UGT1A3: variants seen among roughly 807,000 people sequenced by gnomAD.
UGT1A3 encodes UDP-glucuronosyltransferase 1A3.
Under a neutral mutation model 41.0 loss-of-function variants are expected in UGT1A3, and 31 were observed. The observed-to-expected ratio is 0.76, with a 90% confidence interval of 0.57 to 1.02. The LOEUF (loss-of-function observed/expected upper bound fraction) is 1.02, where lower values mean the gene tolerates loss of function less well. Among genes scored for constraint, UGT1A3 ranks in the 50% least tolerant of loss-of-function variants. The pLI, the probability that UGT1A3 is intolerant of heterozygous loss-of-function variation, is 0.00. For synonymous variants in UGT1A3, 262 were observed against 257.6 expected, an observed-to-expected ratio of 1.02 and a Z score of -0.17; for missense variants, 737 against 671.0, an observed-to-expected ratio of 1.10 and a Z score of -1.09.
chr2:233,734,619 T>A (rs1463316378), intron 1 of UGT1A3, among the ~76,000 whole-genome samples: 1 of 152,238 alleles, frequency 6.6e-6, no homozygotes, highest in African/African-American at 2.4e-5. Flanking sequence ...GTGTTGATTT[T>A]AGATCTTTCC....
At chr2:233,745,258 A>T (rs1322135753) in intron 1 of UGT1A3, among the ~76,000 whole-genome samples, 2 of 151,808 alleles carry the variant, frequency 1.3e-5, no homozygotes, top group East Asian at 1.9e-4. Flanking sequence ...AACCATTAAG[A>T]CTTGCAGGCC....
chr2:233,741,046 C>A (rs1691547003), intron 1 of UGT1A3, among the ~76,000 whole-genome samples: 1 of 151,736 alleles, frequency 6.6e-6, no homozygotes, highest in African/African-American at 2.4e-5. Context: ...ATGATCTTGC[C>A]TAGGTAACAG....
chr2:233,772,563 G>A lies in UGT1A3; in HGVS notation c.*4G>A. ...CCACAAATCCAAGACCCATTGAGAA[G>A]TGGGTGGGAAATAAGGTAAAATTTT... On this transcript the variant is annotated 3_prime_UTR_variant, in exon 5 of 5. Transcript: ENST00000482026. 2 of 1,613,538 alleles carry A rather than the reference G, an allele frequency of 1.2e-6. No homozygotes were observed. Among genetic ancestry groups the A allele is most frequent in the Middle Eastern group, 1.6e-4 (1 of 6,062 alleles).
rs45595237 is a variant in UGT1A3 at position 233,729,271 on chromosome 2, C to G, written c.145C>G (p.Arg49Gly). The G allele has an allele frequency of 1.9e-6, 3 of 1,614,050 alleles. No homozygotes were observed. Among genetic ancestry groups the G allele is most frequent in the Non-Finnish European group, 8.5e-7 (1 of 1,180,032 alleles). Residue 49 changes from arginine (R) to glycine (G), a missense_variant, in exon 1 of 5, where the codon CGG becomes GGG. Physicochemically the swap from Arg to Gly is moderately radical, Grantham distance 125. Coordinates refer to ENST00000482026, the MANE Select transcript of UGT1A3 (RefSeq NM_019093.4). ...CTGGCTCAGCATGCGGGAGGTCTTGCGGGAGCTCCATGCCAGAGGCCACCA... is the reference window on the plus strand; with the variant it reads ...CTGGCTCAGCATGCGGGAGGTCTTGGGGGAGCTCCATGCCAGAGGCCACCA... ...SHWLSMREVL[R>G]ELHARGHQAV...
At chr2:233,747,365 C>T (rs954513567) in intron 1 of UGT1A3, 1 of 1,604,254 alleles carries the variant, frequency 6.2e-7, no homozygotes, top group Non-Finnish European at 8.5e-7. Context: ...TGCGGGAGCT[C>T]CATGCCAGAG....
intron 1 of UGT1A3, 121 bp downstream of exon 1, chr2:233,730,114 C>T: frequency 1.3e-6 from 2 of 1,562,004 alleles, no homozygotes; most frequent in South Asian, 1.2e-5. Flanking sequence ...TCTGCTTCTC[C>T]TTGTCATAAT....
chr2:233,730,496 A>G (rs888211040), intron 1 of UGT1A3, among the ~76,000 whole-genome samples: 3 of 152,218 alleles, frequency 2.0e-5, no homozygotes, highest in Admixed American at 6.5e-5. Context: ...TAGAAGTGTC[A>G]GAGAGGTTGA....
At chr2:233,754,838 G>A (rs1298035120) in intron 1 of UGT1A3, 8 of 1,343,666 alleles carry the variant, frequency 6.0e-6, no homozygotes, top group South Asian at 1.1e-5. Context: ...GAAATTCACT[G>A]AAGGCAGAGA....
Position 233,772,667 on chromosome 2 carries a change from T to C in UGT1A3, c.*108T>C. On this transcript the variant is annotated 3_prime_UTR_variant, in exon 5 of 5. Transcript: ENST00000482026. Reference sequence around the variant, plus strand: ...TTTTATTCTTATTAAGGAAATACTTTGCATAAATTAATCAGCCCCAGAGTG... The same window carrying C: ...TTTTATTCTTATTAAGGAAATACTTCGCATAAATTAATCAGCCCCAGAGTG... The C allele has an allele frequency of 2.0e-6, 3 of 1,538,078 alleles. No individual in the cohort carries two copies. Among genetic ancestry groups the C allele is most frequent in the Admixed American group, 4.0e-5 (2 of 50,106 alleles).
intron 1 of UGT1A3, chr2:233,748,175 C>G: frequency 6.3e-7 from 1 of 1,584,336 alleles, no homozygotes; most frequent in South Asian, 1.2e-5. Context: ...ACTTATCTTT[C>G]TGGTGCTTTT....
At chr2:233,738,077 A>T (rs1287862175) in intron 1 of UGT1A3, among the ~76,000 whole-genome samples, 1 of 152,120 alleles carries the variant, frequency 6.6e-6, no homozygotes, top group Non-Finnish European at 1.5e-5. Context: ...CCACCTCCTA[A>T]TCTCATCATA....
At chr2:233,748,112 C>T in intron 1 of UGT1A3, 1 of 1,611,964 alleles carries the variant, frequency 6.2e-7, no homozygotes, top group South Asian at 1.1e-5. Flanking sequence ...AATCAATGTT[C>T]CAGGCAAAAC....
At chr2:233,761,197 G>C in intron 1 of UGT1A3, 1 of 1,614,114 alleles carries the variant, frequency 6.2e-7, no homozygotes, top group Non-Finnish European at 8.5e-7. Context: ...TCTTTCAGAT[G>C]TATTACTTTG....
chr2:233,763,751 G>A (rs758447394), intron 1 of UGT1A3, among the ~76,000 whole-genome samples: 3 of 152,212 alleles, frequency 2.0e-5, no homozygotes, highest in Non-Finnish European at 4.4e-5. Flanking sequence ...TCTTTGGTGT[G>A]TCTGAAGGAA....
At chr2:233,746,133 C>A (rs1693313600) in intron 1 of UGT1A3, among the ~76,000 whole-genome samples, 1 of 151,790 alleles carries the variant, frequency 6.6e-6, no homozygotes, top group African/African-American at 2.4e-5. Context: ...TGTGGACTGG[C>A]ACCTGAGTGA....
chr2:233,760,293 T>A (rs1359528738), intron 1 of UGT1A3: 1 of 1,613,450 alleles, frequency 6.2e-7, no homozygotes, highest in South Asian at 1.1e-5. Flanking sequence ...GCGCCATGGC[T>A]GTGGAGTCCC....
chr2:233,754,001 T>G (rs1457314312), intron 1 of UGT1A3, among the ~76,000 whole-genome samples: 1 of 152,230 alleles, frequency 6.6e-6, no homozygotes, highest in Non-Finnish European at 1.5e-5. Context: ...GTTTGGGTAA[T>G]TTGTTACAGC....
intron 1 of UGT1A3, among the ~76,000 whole-genome samples, chr2:233,761,825 G>A (rs1697874860): frequency 6.6e-6 from 1 of 152,234 alleles, no homozygotes; most frequent in South Asian, 2.1e-4. Flanking sequence ...GGCTCCTTCA[G>A]ATGGAGCGTT....
Position 233,750,958 on chromosome 2 carries a change from G to T in UGT1A3, c.868-16076G>T, listed in dbSNP as rs922419338. 9.9e-5 allele frequency among the ~76,000 whole-genome samples: 15 copies of T among 151,802 alleles called. 1 individual carries two copies. The highest frequency in any genetic ancestry group is 3.6e-4 in the African/African-American group (15 of 41,098). On this transcript the variant is annotated intron_variant, in intron 1 of 4. Transcript: ENST00000482026. ...GAGCCCCCACACAGAGTCTCCACTG[G>T]GGCACTGCCTAGTGGAGTTGTGAGA...
Sources: gnomAD v4.1 joint callset for allele counts (sites outside exome capture counted in the v4.1 genomes callset) on GRCh38, gnomAD v4.1.1 for gene constraint, MANE v1.5 for transcripts, NCBI Gene and HGNC (gene_info 2026-07-23, HGNC 2026-07-21) for gene names.